SPATA17: variants seen among roughly 807,000 people sequenced by gnomAD.
The protein encoded by SPATA17 is spermatogenesis-associated protein 17.
SPATA17 carries 53 observed loss-of-function variants against 62.2 expected under a neutral mutation model. That is an observed-to-expected ratio of 0.85 (90% CI 0.68 to 1.07). The LOEUF is 1.07. Among genes scored for constraint, SPATA17 ranks in the 50% least tolerant of loss-of-function variants. SPATA17 has a pLI of 0.00. For synonymous variants in SPATA17, 146 were observed against 146.8 expected (o/e 0.99, Z 0.04); for missense variants, 466 against 425.5 (o/e 1.10, Z -0.84).
intron 5 of SPATA17, among the ~76,000 whole-genome samples, chr1:217,710,536 A>G (rs1671834786): frequency 6.6e-6 from 1 of 152,140 alleles, no homozygotes; most frequent in Non-Finnish European, 1.5e-5. Flanking sequence ...CATCAAAATG[A>G]ATTAGTTTCT....
chr1:217,655,010 C>T (rs1367786385), intron 3 of SPATA17, among the ~76,000 whole-genome samples: 2 of 152,072 alleles, frequency 1.3e-5, no homozygotes, highest in African/African-American at 2.4e-5. Flanking sequence ...GCACCCAGCC[C>T]TACATAATCT....
chr1:217,792,634 C>T lies in SPATA17; in HGVS notation c.873-9084C>T, dbSNP rs545701745. Among the ~76,000 whole-genome samples the T allele has an allele frequency of 5.9e-5, 9 of 152,274 alleles. 1 individual carries two copies. In the South Asian group the frequency reaches 1.9e-3, roughly 32 times the overall value. On this transcript the variant is annotated intron_variant, in intron 8 of 10. Coordinates refer to ENST00000366933, the MANE Select transcript of SPATA17 (RefSeq NM_138796.4). ...TTTCTGAGAGAGAATCTGTTTTGCT[C>T]AATTTGTGTTAACAAATTTGCTCAC... is the stretch of plus-strand genomic sequence containing the variant.
intron 9 of SPATA17, among the ~76,000 whole-genome samples, chr1:217,858,555 GA>G (rs1675830453): frequency 6.6e-6 from 1 of 152,112 alleles, no homozygotes; most frequent in Non-Finnish European, 1.5e-5. Flanking sequence ...ATTCACCAGT[GA>G]AACCATCTTT....
At chr1:217,861,238 A>G (rs985011578) in intron 9 of SPATA17, among the ~76,000 whole-genome samples, 1 of 152,000 alleles carries the variant, frequency 6.6e-6, no homozygotes, top group African/African-American at 2.4e-5. Context: ...TAAGAAAAAT[A>G]AAAGGTTTTA....
At chr1:217,793,892 G>A (rs988486784) in intron 8 of SPATA17, among the ~76,000 whole-genome samples, 5 of 152,148 alleles carry the variant, frequency 3.3e-5, no homozygotes, top group Admixed American at 3.3e-4. Context: ...GCGGTTGGCA[G>A]ATCACGAGGT....
chr1:217,769,917 G>C (rs995193481), intron 6 of SPATA17, among the ~76,000 whole-genome samples: 1 of 152,186 alleles, frequency 6.6e-6, no homozygotes, highest in Admixed American at 6.5e-5. Flanking sequence ...GATTGTGACA[G>C]TGTGTTAACA....
chr1:217,855,244 G>T (rs1266930970), intron 9 of SPATA17, among the ~76,000 whole-genome samples: 1 of 152,128 alleles, frequency 6.6e-6, no homozygotes, highest in African/African-American at 2.4e-5. Context: ...TCCCTTTAGT[G>T]CCAGTTTCAT....
intron 5 of SPATA17, among the ~76,000 whole-genome samples, chr1:217,710,706 T>C (rs1671838691): frequency 6.6e-6 from 1 of 152,222 alleles, no homozygotes; most frequent in Non-Finnish European, 1.5e-5. Flanking sequence ...TAATATATAA[T>C]ACACCCATTT....
chr1:217,758,659 T>C (rs1247954561), intron 6 of SPATA17, among the ~76,000 whole-genome samples: 2 of 152,098 alleles, frequency 1.3e-5, no homozygotes, highest in Admixed American at 6.5e-5. Context: ...GGCAAGATGA[T>C]TGATGTTAGA....
chr1:217,785,058 A>T (rs1469543033), intron 8 of SPATA17: 1 of 152,040 alleles, frequency 6.6e-6, no homozygotes, highest in East Asian at 1.9e-4. Flanking sequence ...CTCTTCATTA[A>T]CTTCTGGTGG....
intron 8 of SPATA17, among the ~76,000 whole-genome samples, chr1:217,785,599 C>T (rs900947524): frequency 6.6e-6 from 1 of 152,130 alleles, no homozygotes; most frequent in Non-Finnish European, 1.5e-5. Context: ...GGAATTATAA[C>T]TCAACATGAG....
Position 217,868,225 on chromosome 1 carries a change from G to A in SPATA17, c.*1206G>A, listed in dbSNP as rs531226175. On this transcript the variant is annotated 3_prime_UTR_variant, in exon 11 of 11. Transcript: ENST00000366933. ...GGTTTTTTTTAGGTGTCATGGTATT[G>A]TTTTGGTTTACAAAGTTATAGATAT... 3.9e-5 allele frequency: 6 copies of A among 152,222 alleles called. No individual in the cohort carries two copies. Among genetic ancestry groups the A allele is most frequent in the African/African-American group, 1.2e-4 (5 of 41,538 alleles). The allele number at this position is 152,222 out of a possible 1,614,324, so 9.4% of individuals were successfully genotyped here.
chr1:217,848,102 A>T (rs1675568483), intron 9 of SPATA17, among the ~76,000 whole-genome samples: 2 of 152,288 alleles, frequency 1.3e-5, no homozygotes, highest in Admixed American at 1.3e-4. Flanking sequence ...TAGAAAGGAA[A>T]TATAATTCTA....
At chr1:217,822,341 T>A (rs1451934707) in intron 9 of SPATA17, among the ~76,000 whole-genome samples, 4 of 151,844 alleles carry the variant, frequency 2.6e-5, no homozygotes, top group Non-Finnish European at 5.9e-5. Context: ...AGACATTTAT[T>A]GACCACTTGC....
chr1:217,642,873 C>T (rs1670097048), intron 1 of SPATA17, among the ~76,000 whole-genome samples: 1 of 152,130 alleles, frequency 6.6e-6, no homozygotes, highest in Admixed American at 6.6e-5. Context: ...TGTGTAGTAT[C>T]TTTATAGCAG....
intron 8 of SPATA17, among the ~76,000 whole-genome samples, chr1:217,793,949 A>T (rs187802614): frequency 6.6e-6 from 1 of 152,054 alleles, no homozygotes; most frequent in Non-Finnish European, 1.5e-5. Context: ...CCCCGTCTTT[A>T]CTAAAAAACG....
At chr1:217,674,657 G>A (rs1006894671) in intron 4 of SPATA17, among the ~76,000 whole-genome samples, 1 of 152,202 alleles carries the variant, frequency 6.6e-6, no homozygotes, top group African/African-American at 2.4e-5. Flanking sequence ...CCCCAGAAGG[G>A]GTGTTACAAC....
At chr1:217,683,709 G>A (rs1401184294) in intron 5 of SPATA17, among the ~76,000 whole-genome samples, 3 of 152,048 alleles carry the variant, frequency 2.0e-5, no homozygotes, top group Admixed American at 6.6e-5. Context: ...CAAAGTGCTT[G>A]GATCACAGGC....
At chr1:217,690,783 T>A (rs1226827962) in intron 5 of SPATA17, among the ~76,000 whole-genome samples, 2 of 134,510 alleles carry the variant, frequency 1.5e-5, no homozygotes, top group African/African-American at 5.7e-5. Context: ...AATGATGGTT[T>A]CCAATTTCAT....
Sources: gnomAD v4.1 joint callset for allele counts (sites outside exome capture counted in the v4.1 genomes callset) on GRCh38, gnomAD v4.1.1 for gene constraint, MANE v1.5 for transcripts, NCBI Gene and HGNC (gene_info 2026-07-23, HGNC 2026-07-21) for gene names.